Variants in DLGAP2 observed in about 807,000 individuals in gnomAD.
DLGAP2 encodes DLG associated protein 2.
A neutral mutation model predicts 100.3 loss-of-function variants in DLGAP2; 26 were observed. That is an observed-to-expected ratio of 0.26 (90% CI 0.19 to 0.36). DLGAP2 has a LOEUF of 0.36. Among genes scored for constraint, DLGAP2 ranks in the 10% least tolerant of loss-of-function variants. DLGAP2 has a pLI of 1.00. For synonymous variants in DLGAP2, 886 were observed against 630.1 expected (o/e 1.41, Z -6.08); for missense variants, 1,858 against 1,453.2 (o/e 1.28, Z -4.53).
At chr8:1,426,548 C>A (rs1797240591) in intron 3 of DLGAP2, among the ~76,000 whole-genome samples, 1 of 152,164 alleles carries the variant, frequency 6.6e-6, no homozygotes, top group Non-Finnish European at 1.5e-5. Flanking sequence ...TAACATCACC[C>A]ATCCAGACTG....
chr8:1,193,730 G>C (rs1207162249), intron 2 of DLGAP2, among the ~76,000 whole-genome samples: 1 of 152,118 alleles, frequency 6.6e-6, no homozygotes, highest in Non-Finnish European at 1.5e-5. Context: ...CTCCCGGACA[G>C]CATCCGGGTT....
At chr8:1,197,698 GTCAATGTGGAGCAT>G (rs1797782185) in intron 2 of DLGAP2, among the ~76,000 whole-genome samples, 1 of 65,736 alleles carries the variant, frequency 1.5e-5, no homozygotes. Flanking sequence ...CCTGAGCCAC[GTCAATGTGGAGCAT>G]CTGGGCCACC....
chr8:1,039,740 AGCTCGGTTTCTGTAGTCG>A (rs1802260312), intron 2 of DLGAP2, among the ~76,000 whole-genome samples: 1 of 87,834 alleles, frequency 1.1e-5, no homozygotes, highest in East Asian at 2.6e-4. Context: ...TTCTGTGGTC[AGCTCGGTTTCTGTAGTCG>A]GCTCGGTGTG....
At chr8:1,337,783 G>A (rs1417279834) in intron 3 of DLGAP2, among the ~76,000 whole-genome samples, 2 of 152,144 alleles carry the variant, frequency 1.3e-5, no homozygotes, top group African/African-American at 4.8e-5. Context: ...GAAAATATCT[G>A]CAAATCAGTT....
At chr8:1,357,210 C>G (rs1320667975) in intron 3 of DLGAP2, among the ~76,000 whole-genome samples, 1 of 151,978 alleles carries the variant, frequency 6.6e-6, no homozygotes, top group East Asian at 1.9e-4. Flanking sequence ...GCTCAGGTGG[C>G]CTTGGTGCAG....
chr8:926,686 C>G (rs973144535), intron 2 of DLGAP2, among the ~76,000 whole-genome samples: 1 of 152,178 alleles, frequency 6.6e-6, no homozygotes, highest in African/African-American at 2.4e-5. Flanking sequence ...GTGCGGCAGC[C>G]GTGGGTGGCC....
intron 1 of DLGAP2, among the ~76,000 whole-genome samples, chr8:883,669 G>A (rs770837043): frequency 6.6e-5 from 10 of 151,622 alleles, no homozygotes; most frequent in Non-Finnish European, 8.8e-5. Context: ...ACGTAGGTGC[G>A]CGTGTGCCGC....
chr8:1,661,259 A>G (rs1489917391), intron 8 of DLGAP2, among the ~76,000 whole-genome samples: 2 of 152,162 alleles, frequency 1.3e-5, no homozygotes, highest in Non-Finnish European at 2.9e-5. Context: ...GCTGCGCCTC[A>G]TGGTGGTGGG....
chr8:1,542,882 T>G (rs569499008), intron 4 of DLGAP2, among the ~76,000 whole-genome samples: 1 of 152,192 alleles, frequency 6.6e-6, no homozygotes, highest in African/African-American at 2.4e-5. Context: ...GCTTTGGAAC[T>G]GTGTCCTTTT....
intron 1 of DLGAP2, among the ~76,000 whole-genome samples, chr8:754,964 G>A (rs1299941749): frequency 1.3e-5 from 2 of 152,228 alleles, no homozygotes; most frequent in East Asian, 1.9e-4. Flanking sequence ...CTTTGGCTGA[G>A]TTTCTGGAAG....
At chr8:1,561,739 G>C (rs925547514) in intron 5 of DLGAP2, among the ~76,000 whole-genome samples, 4 of 140,174 alleles carry the variant, frequency 2.9e-5, no homozygotes, top group South Asian at 2.6e-4. Context: ...CCTCGTTTCT[G>C]GGGGACTGTG....
chr8:814,883 T>C (rs1384979435), intron 1 of DLGAP2, among the ~76,000 whole-genome samples: 1 of 141,106 alleles, frequency 7.1e-6, no homozygotes, highest in Non-Finnish European at 1.5e-5. Flanking sequence ...AGAAATACTA[T>C]CAACATTATA....
intron 2 of DLGAP2, among the ~76,000 whole-genome samples, chr8:1,222,108 AC>A: frequency 6.6e-6 from 1 of 152,206 alleles, no homozygotes; most frequent in Non-Finnish European, 1.5e-5. Context: ...TGGTGAAGAA[AC>A]ATTGCCGGGG....
intron 3 of DLGAP2, among the ~76,000 whole-genome samples, chr8:1,320,104 G>C (rs1563081119): frequency 6.6e-6 from 1 of 152,240 alleles, no homozygotes; most frequent in East Asian, 1.9e-4. Flanking sequence ...TGCAAGTAGA[G>C]ACCATGAGAG....
chr8:1,652,479 T>A (rs1798189855), intron 8 of DLGAP2, among the ~76,000 whole-genome samples: 1 of 152,190 alleles, frequency 6.6e-6, no homozygotes, highest in African/African-American at 2.4e-5. Flanking sequence ...ATTCTCTCTC[T>A]GTGTGAACTA....
At chr8:1,442,692 T>G (rs1256853989) in intron 3 of DLGAP2, among the ~76,000 whole-genome samples, 5 of 147,600 alleles carry the variant, frequency 3.4e-5, no homozygotes, top group African/African-American at 1.3e-4. Flanking sequence ...TGCTGTGGGT[T>G]CATCCACTGG....
chr8:951,085 A>AT (rs917974682), intron 2 of DLGAP2, among the ~76,000 whole-genome samples: 2 of 152,104 alleles, frequency 1.3e-5, no homozygotes, highest in Non-Finnish European at 2.9e-5. Context: ...ACTACATTCT[A>AT]TTTTTTTAAC....
At position 1,198,350 on chromosome 8, in the gene DLGAP2, G is replaced by A. The variant is rs184616649; in HGVS notation, c.74-60501G>A. Among the ~76,000 whole-genome samples, 13 of 152,294 alleles carry A rather than the reference G, an allele frequency of 8.5e-5. No homozygotes were observed. In the East Asian group the frequency reaches 2.1e-3, roughly 25 times the overall value. On this transcript the variant is annotated intron_variant, in intron 2 of 14. Transcript: ENST00000637795. ...GTTTTGAAATGACAACAACAGCTTC[G>A]TCGTGGGGCGTCACGCATGTTGCAC...
chr8:947,968 C>T (rs1254950946), intron 2 of DLGAP2, among the ~76,000 whole-genome samples: 1 of 149,964 alleles, frequency 6.7e-6, no homozygotes, highest in East Asian at 2.0e-4. Context: ...CCGCGTGCGC[C>T]ATGGCTTCCC....
Sources: allele counts gnomAD v4.1 joint callset (sites outside exome capture counted in the v4.1 genomes callset), GRCh38; gene constraint gnomAD v4.1.1; transcripts MANE v1.5; gene names NCBI Gene and HGNC (gene_info 2026-07-23, HGNC 2026-07-21).